DNAJC6: variants seen among roughly 807,000 people sequenced by gnomAD.
The protein encoded by DNAJC6 is DnaJ heat shock protein family (Hsp40) member C6.
In DNAJC6, 34 loss-of-function variants were observed where a neutral mutation model predicts 110.0. The ratio of observed to expected loss-of-function variants is 0.31; its 90% confidence interval spans 0.24 to 0.41. DNAJC6 has a LOEUF of 0.41. DNAJC6 is among the 10% of genes least tolerant of loss of function. The pLI is 1.00. For missense variants in DNAJC6, 1,031 were observed against 1,207.8 expected, an observed-to-expected ratio of 0.85 and a Z score of 2.17; for synonymous variants, 406 against 437.2, an observed-to-expected ratio of 0.93 and a Z score of 0.89.
intron 1 of DNAJC6, chr1:65,279,026 G>A: frequency 1.0e-6 from 1 of 985,338 alleles, no homozygotes; most frequent in Non-Finnish European, 1.2e-6. Context: ...CTGCAAACCT[G>A]GAGATACTTG....
chr1:65,312,988 C>G (rs190442510), intron 1 of DNAJC6, among the ~76,000 whole-genome samples: 6 of 151,976 alleles, frequency 3.9e-5, no homozygotes, highest in Non-Finnish European at 2.9e-5. Context: ...TTAGTAGAGA[C>G]GGGCTCTTGC....
At position 65,364,788 on chromosome 1, in the gene DNAJC6, A is replaced by G. The variant is rs903844330; in HGVS notation, c.344+3A>G. ...AGAGTGATACAATCTGTGACCAGGT[A>G]CGCACATTCTTCCCAGTTAATTTAG... On this transcript the variant is annotated splice_donor_region_variant and intron_variant, in intron 2 of 18. Transcript: ENST00000371069. 7 of 1,612,338 alleles carry G rather than the reference A, an allele frequency of 4.3e-6. No individual in the cohort carries two copies. In the South Asian group the frequency reaches 4.4e-5, roughly 10 times the overall value.
At chr1:65,352,830 G>C (rs1645504766) in intron 1 of DNAJC6, among the ~76,000 whole-genome samples, 1 of 152,156 alleles carries the variant, frequency 6.6e-6, no homozygotes, top group East Asian at 1.9e-4. Context: ...ACGCTTCTTA[G>C]AGCTGCATAT....
chr1:65,282,669 T>C (rs1653890816), intron 1 of DNAJC6, among the ~76,000 whole-genome samples: 1 of 152,226 alleles, frequency 6.6e-6, no homozygotes, highest in Admixed American at 6.5e-5. Context: ...TGCTGCACTA[T>C]TGGTGCAAAA....
rs540477402 is a variant in DNAJC6 at position 65,405,940 on chromosome 1, G to T, written c.2298G>T (p.Ser766=). 1.9e-6 allele frequency: 3 copies of T among 1,613,918 alleles called. No individual in the cohort carries two copies. Among genetic ancestry groups the T allele is most frequent in the African/African-American group, 2.7e-5 (2 of 74,882 alleles). Reference sequence around the variant, plus strand: ...GTGGAGGATTCCCGCCTCTCAGCTCGCCACAGAAGGCGTCTCCCCAGCCTA... The same window carrying T: ...GTGGAGGATTCCCGCCTCTCAGCTCTCCACAGAAGGCGTCTCCCCAGCCTA... ...GLGGGFPPLS[S]PQKASPQPMG... Residue 766 remains serine (S), a synonymous_variant, in exon 16 of 19, where the codon TCG becomes TCT. Transcript: ENST00000371069.
intron 5 of DNAJC6, 166 bp downstream of exon 5, chr1:65,379,690 T>G: frequency 9.5e-7 from 1 of 1,053,260 alleles, no homozygotes; most frequent in Non-Finnish European, 1.4e-6. Flanking sequence ...GGATTTATTA[T>G]TCTTGACTTA....
At chr1:65,309,341 C>T (rs1275864478), upstream of DNAJC6, among the ~76,000 whole-genome samples, 2 of 151,462 alleles carry the variant, frequency 1.3e-5, no homozygotes, top group African/African-American at 4.9e-5. Flanking sequence ...CCCCGCGGGC[C>T]AGCGGCTTTG....
intron 5 of DNAJC6, 186 bp downstream of exon 5, chr1:65,379,710 T>A: frequency 2.4e-6 from 2 of 829,122 alleles, no homozygotes; most frequent in Non-Finnish European, 3.6e-6. Flanking sequence ...AAAGCTTGAC[T>A]ACTAGTGGGA....
intron 12 of DNAJC6, among the ~76,000 whole-genome samples, chr1:65,393,189 G>T (rs902398077): frequency 1.3e-5 from 2 of 152,060 alleles, no homozygotes; most frequent in Non-Finnish European, 2.9e-5. Flanking sequence ...GATAAAAATA[G>T]CTAATATTTA....
In DNAJC6 at chr1:65,379,455, T is replaced by C. The variant is rs757982943; in HGVS notation, c.597T>C (p.Phe199=). ...IRQAPSLHNL[F]AVCRNMYNWL... ...AGGCTCCCAGTCTGCACAACCTTTT[T>C]GCTGTGTGTCGGAATATGTATAACT... The change falls in exon 5 of 19, where the codon TTT becomes TTC. Residue 199 remains phenylalanine, a synonymous_variant. Coordinates refer to ENST00000371069, the MANE Select transcript of DNAJC6 (RefSeq NM_001256864.2). The C allele has an allele frequency of 1.2e-6, 2 of 1,614,060 alleles. No homozygotes were observed. Among genetic ancestry groups the C allele is most frequent in the East Asian group, 2.2e-5 (1 of 44,886 alleles).
intron 1 of DNAJC6, among the ~76,000 whole-genome samples, chr1:65,329,797 G>A (rs1645271435): frequency 6.6e-6 from 1 of 152,126 alleles, no homozygotes; most frequent in African/African-American, 2.4e-5. Context: ...TAGTTAGGTA[G>A]CTCTGGACTT....
intron 17 of DNAJC6, among the ~76,000 whole-genome samples, chr1:65,410,161 G>A (rs769636268): frequency 2.0e-5 from 3 of 152,180 alleles, no homozygotes; most frequent in African/African-American, 7.2e-5. Flanking sequence ...AGAGGAGGAT[G>A]TAATCTGTCT....
At chr1:65,309,459 G>A, upstream of DNAJC6, 4 of 948,014 alleles carry the variant, frequency 4.2e-6, no homozygotes, top group Non-Finnish European at 5.2e-6. Context: ...CGGCAGGGCC[G>A]GGCGGCTCCG....
intron 1 of DNAJC6, among the ~76,000 whole-genome samples, chr1:65,323,415 G>T (rs1347986688): frequency 1.3e-5 from 2 of 152,164 alleles, no homozygotes; most frequent in Middle Eastern, 3.4e-3. Flanking sequence ...CATGTAAGAC[G>T]TGTCTTGCTT....
At chr1:65,333,077 T>C (rs1323407311) in intron 1 of DNAJC6, among the ~76,000 whole-genome samples, 1 of 152,186 alleles carries the variant, frequency 6.6e-6, no homozygotes, top group Non-Finnish European at 1.5e-5. Flanking sequence ...TTGTTCCAGT[T>C]TGGGCATTTG....
chr1:65,333,674 T>G (rs1242767948), intron 1 of DNAJC6, among the ~76,000 whole-genome samples: 1 of 152,156 alleles, frequency 6.6e-6, no homozygotes, highest in Non-Finnish European at 1.5e-5. Flanking sequence ...TTAGGATTTT[T>G]TTTTCCTCCA....
At chr1:65,383,024 C>A (rs1203776908) in intron 5 of DNAJC6, among the ~76,000 whole-genome samples, 1 of 152,068 alleles carries the variant, frequency 6.6e-6, no homozygotes, top group Non-Finnish European at 1.5e-5. Context: ...TTTTTGTTCT[C>A]ACAAAAGGAT....
intron 1 of DNAJC6, among the ~76,000 whole-genome samples, chr1:65,295,139 C>G (rs1422366125): frequency 6.6e-6 from 1 of 152,180 alleles, no homozygotes; most frequent in Non-Finnish European, 1.5e-5. Flanking sequence ...CCTTTGATTA[C>G]AAGTGACAGA....
chr1:65,403,891 G>T (rs1008240807), intron 15 of DNAJC6, among the ~76,000 whole-genome samples: 6 of 152,152 alleles, frequency 3.9e-5, no homozygotes, highest in African/African-American at 1.2e-4. Flanking sequence ...CTGCAGCCTG[G>T]CATCTAGAGG....
Sources: gnomAD v4.1 joint callset for allele counts (sites outside exome capture counted in the v4.1 genomes callset) on GRCh38, gnomAD v4.1.1 for gene constraint, MANE v1.5 for transcripts, NCBI Gene and HGNC (gene_info 2026-07-23, HGNC 2026-07-21) for gene names.